Variants in MROH1 observed in about 807,000 individuals in gnomAD.
The protein encoded by MROH1 is maestro heat-like repeat-containing protein family member 1.
Under a neutral mutation model 116.5 loss-of-function variants are expected in MROH1, and 117 were observed. The ratio of observed to expected loss-of-function variants is 1.00; its 90% confidence interval spans 0.86 to 1.17. The LOEUF (loss-of-function observed/expected upper bound fraction) is 1.17. Ranked by LOEUF, MROH1 falls within the 50% of genes most tolerant of loss-of-function variation. The probability of loss-of-function intolerance (pLI) is 0.00; values close to 1 mark genes in which losing one functional copy is unlikely to be tolerated. For synonymous variants in MROH1, 921 were observed against 583.9 expected, an observed-to-expected ratio of 1.58 and a Z score of -8.32; for missense variants, 1,873 against 1,338.5, an observed-to-expected ratio of 1.40 and a Z score of -6.23.
chr8:144,191,276 G>A (rs1447849224), intron 8 of MROH1, among the ~76,000 whole-genome samples: 2 of 152,126 alleles, frequency 1.3e-5, no homozygotes, highest in African/African-American at 4.8e-5. Flanking sequence ...CGCCATGTTG[G>A]CCAGGCTGGT....
At chr8:144,188,560 G>A (rs113939017) in intron 7 of MROH1, among the ~76,000 whole-genome samples, 132 of 145,220 alleles carry the variant, frequency 9.1e-4, no homozygotes, top group African/African-American at 3.1e-3. Context: ...TCTGCCTCCC[G>A]GATTCGAGTG....
chr8:144,249,335 C>G (rs1336955035), intron 32 of MROH1, among the ~76,000 whole-genome samples: 1 of 152,172 alleles, frequency 6.6e-6, no homozygotes, highest in Non-Finnish European at 1.5e-5. Context: ...AGTGAAAAGG[C>G]GGGTGAAAGC....
intron 14 of MROH1, among the ~76,000 whole-genome samples, chr8:144,226,264 T>C (rs1837803963): frequency 6.6e-6 from 1 of 152,104 alleles, no homozygotes; most frequent in African/African-American, 2.4e-5. Context: ...GCTCGTTTTT[T>C]TGCATGTGAA....
chr8:144,175,909 CG>C (rs1564397837), intron 4 of MROH1, among the ~76,000 whole-genome samples: 1 of 152,040 alleles, frequency 6.6e-6, no homozygotes. Context: ...ATTATCCAGG[CG>C]TGGTGGCACG....
In MROH1 at chr8:144,244,455, G is replaced by A. The variant is rs1841543981; in HGVS notation, c.2682G>A (p.Leu894=). The change falls in exon 28 of 44, where the codon CTG becomes CTA. Residue 894 remains leucine (L), a synonymous_variant. Transcript: ENST00000326134. ...EDGGCQKSLY[L]ETLHALEDLL... is the part of the protein sequence containing the mutation. ...GGCTCTCCTTCCAGTCCCTGTATCT[G>A]GAGACACTGCACGCCCTTGAGGATC... 3 of 766,920 alleles carry A rather than the reference G, an allele frequency of 3.9e-6. No individual in the cohort carries two copies. The highest frequency in any genetic ancestry group is 3.5e-5 in the Admixed American group (2 of 57,396). 47.5% of individuals were successfully genotyped at this position (766,920 alleles called of 1,614,324 possible).
chr8:144,247,671 G>A lies in MROH1; in HGVS notation c.3112G>A (p.Val1038Ile). ...CATTCTCTTCCACACCTGCCACAGTGTAGGCCAGGTACCAGCTGGGAGCTC... is the reference window on the plus strand; with the variant it reads ...CATTCTCTTCCACACCTGCCACAGTATAGGCCAGGTACCAGCTGGGAGCTC... ...PAILFHTCHS[V>I]GQIIAKRLPP... Residue 1038 changes from valine (V) to isoleucine (I), a missense_variant, in exon 31 of 44, where the codon GTA becomes ATA. By Grantham distance (29) the Val-to-Ile change is conservative. Coordinates refer to ENST00000326134, the MANE Select transcript of MROH1 (RefSeq NM_032450.3). 2 of 765,664 alleles carry A rather than the reference G, an allele frequency of 2.6e-6. No individual in the cohort carries two copies. The highest frequency in any genetic ancestry group is 4.8e-6 in the Non-Finnish European group (2 of 416,348). 47.4% of individuals were successfully genotyped at this position (765,664 alleles called of 1,614,324 possible).
intron 1 of MROH1, among the ~76,000 whole-genome samples, chr8:144,157,760 C>G (rs1165370974): frequency 1.3e-5 from 2 of 149,200 alleles, no homozygotes; most frequent in Non-Finnish European, 3.0e-5. Context: ...TCACTGCTAC[C>G]TCTGTTTCCC....
chr8:144,172,696 A>C (rs934712576), intron 4 of MROH1, among the ~76,000 whole-genome samples: 4 of 152,194 alleles, frequency 2.6e-5, no homozygotes, highest in Non-Finnish European at 5.9e-5. Flanking sequence ...GGTGCGAGCC[A>C]CCGTGCCCGG....
chr8:144,254,715 C>G, intron 33 of MROH1, 98 bp from the exon 34 acceptor site: 2 of 651,334 alleles, frequency 3.1e-6, no homozygotes, highest in South Asian at 3.4e-5. Context: ...GTGGCTGTGT[C>G]TGAGCGTCGT....
intron 12 of MROH1, among the ~76,000 whole-genome samples, chr8:144,217,923 T>G (rs1295742391): frequency 2.0e-5 from 3 of 151,210 alleles, no homozygotes; most frequent in Non-Finnish European, 4.4e-5. Context: ...CCGGGATCCC[T>G]CTGGGTGGCT....
chr8:144,248,735 G>A (rs1348775895), intron 31 of MROH1, 142 bp from the exon 32 acceptor site: 10 of 683,280 alleles, frequency 1.5e-5, no homozygotes, highest in South Asian at 3.2e-5. Context: ...CATTGAAGGC[G>A]CAGGGCCCAG....
intron 13 of MROH1, 110 bp downstream of exon 13, chr8:144,220,783 G>C (rs1836551779): frequency 1.2e-6 from 1 of 844,434 alleles, no homozygotes; most frequent in Non-Finnish European, 1.9e-6. Flanking sequence ...ACCACCCTTG[G>C]CTGGACTGAG....
intron 7 of MROH1, among the ~76,000 whole-genome samples, chr8:144,187,783 C>A (rs1380514011): frequency 6.6e-6 from 1 of 152,118 alleles, no homozygotes; most frequent in Non-Finnish European, 1.5e-5. Flanking sequence ...ACGAGGGGTA[C>A]AGGTAGAGAT....
At chr8:144,186,899 C>T (rs1363928946) in intron 7 of MROH1, among the ~76,000 whole-genome samples, 3 of 151,060 alleles carry the variant, frequency 2.0e-5, no homozygotes, top group Admixed American at 1.3e-4. Flanking sequence ...TTGAGACCAG[C>T]CTGGGCAACA....
chr8:144,232,445 G>C (rs1337655757), intron 14 of MROH1, among the ~76,000 whole-genome samples: 1 of 151,818 alleles, frequency 6.6e-6, no homozygotes, highest in African/African-American at 2.4e-5. Flanking sequence ...TGTTAGTATG[G>C]TAGATTAGAT....
At chr8:144,186,129 T>TC (rs1038941069) in intron 7 of MROH1, among the ~76,000 whole-genome samples, 2 of 150,498 alleles carry the variant, frequency 1.3e-5, no homozygotes, top group African/African-American at 2.4e-5. Context: ...AATTTTTTTT[T>TC]TTTTTTTTGG....
At chr8:144,241,302 A>C (rs934298349) in intron 21 of MROH1, 93 bp from the exon 22 acceptor site, 1 of 707,376 alleles carries the variant, frequency 1.4e-6, no homozygotes, top group Non-Finnish European at 2.6e-6. Flanking sequence ...ATGTGTGTAC[A>C]TGTGGGTGTG....
At chr8:144,174,596 G>C (rs1451415983) in intron 4 of MROH1, among the ~76,000 whole-genome samples, 1 of 151,130 alleles carries the variant, frequency 6.6e-6, no homozygotes, top group African/African-American at 2.4e-5. Context: ...TGATCCTCCT[G>C]CTTCAGCCTC....
Position 144,239,612 on chromosome 8 carries a change from A to G in MROH1, c.1633-2A>G. On this transcript the variant is annotated splice_acceptor_variant, in intron 17 of 43. Transcript: ENST00000326134. LOFTEE classifies it high-confidence loss of function. Reference sequence around the variant, plus strand: ...CCCGGCTCCCACGCTGCCTCTTTTCAGGTTGTGTCTTCCAGCCCCTACCTA... The same window carrying G: ...CCCGGCTCCCACGCTGCCTCTTTTCGGGTTGTGTCTTCCAGCCCCTACCTA... 1 of 772,166 alleles carries G rather than the reference A, an allele frequency of 1.3e-6. No individual in the cohort carries two copies. Among genetic ancestry groups the G allele is most frequent in the Non-Finnish European group, 2.4e-6 (1 of 414,524 alleles). 47.8% of individuals were successfully genotyped at this position (772,166 alleles called of 1,614,324 possible).
Sources: gnomAD v4.1 joint callset for allele counts (sites outside exome capture counted in the v4.1 genomes callset) on GRCh38, gnomAD v4.1.1 for gene constraint, MANE v1.5 for transcripts, NCBI Gene and HGNC (gene_info 2026-07-23, HGNC 2026-07-21) for gene names.